CDH18: variants seen among roughly 807,000 people sequenced by gnomAD.
CDH18 encodes the protein cadherin 18, also known as cadherin-18.
CDH18 carries 31 observed loss-of-function variants against 67.9 expected under a neutral mutation model. The ratio of observed to expected loss-of-function variants is 0.46; its 90% CI spans 0.34 to 0.62. The LOEUF is 0.62. Ranked by LOEUF, CDH18 falls within the 20% of genes least tolerant of loss-of-function variation. The probability of loss-of-function intolerance (pLI) is 0.01; values close to 1 mark genes in which losing one functional copy is unlikely to be tolerated. For synonymous variants in CDH18, 362 were observed against 347.2 expected (o/e 1.04, Z -0.48); for missense variants, 890 against 975.5 (o/e 0.91, Z 1.17).
intron 1 of CDH18, among the ~76,000 whole-genome samples, chr5:20,530,400 T>C (rs898556533): frequency 1.3e-5 from 2 of 152,078 alleles, no homozygotes; most frequent in African/African-American, 4.8e-5. Flanking sequence ...AAAATTCATA[T>C]GGAACTGAAA....
At chr5:20,503,011 G>A (rs1372423629) in intron 1 of CDH18, among the ~76,000 whole-genome samples, 1 of 152,020 alleles carries the variant, frequency 6.6e-6, no homozygotes, top group Non-Finnish European at 1.5e-5. Context: ...AGAAAAAAAG[G>A]GGGTTATTCT....
chr5:20,499,131 C>A (rs1284922730), intron 1 of CDH18, among the ~76,000 whole-genome samples: 2 of 152,010 alleles, frequency 1.3e-5, no homozygotes, highest in Admixed American at 1.3e-4. Flanking sequence ...CACATACACA[C>A]ACACACACAG....
At chr5:19,724,512 TACACAC>T (rs34923644) in intron 4 of CDH18, among the ~76,000 whole-genome samples, 244 of 148,882 alleles carry the variant, frequency 1.6e-3, no homozygotes, top group Middle Eastern at 0.014. Context: ...CACACAGACA[TACACAC>T]ACACACACAC....
At chr5:20,172,190 G>GCA (rs1554098640) in intron 2 of CDH18, among the ~76,000 whole-genome samples, 1 of 23,318 alleles carries the variant, frequency 4.3e-5, no homozygotes, top group Non-Finnish European at 7.5e-5. Context: ...AGCATTGTGT[G>GCA]TATATATATA....
chr5:19,503,141 T>C (rs751631131), intron 10 of CDH18, 32 bp from the exon 11 acceptor site: 2 of 1,073,528 alleles, frequency 1.9e-6, no homozygotes, highest in South Asian at 2.6e-5. Flanking sequence ...AATCGTAAAT[T>C]TAATTTTGCT....
intron 2 of CDH18, among the ~76,000 whole-genome samples, chr5:20,016,459 A>T (rs186826677): frequency 3.8e-4 from 58 of 152,220 alleles, no homozygotes; most frequent in Non-Finnish European, 5.9e-5. Flanking sequence ...CTGAACCAAA[A>T]ATAAAAGTTT....
At chr5:19,935,031 C>A (rs1307146606) in intron 2 of CDH18, among the ~76,000 whole-genome samples, 1 of 151,188 alleles carries the variant, frequency 6.6e-6, no homozygotes, top group Non-Finnish European at 1.5e-5. Flanking sequence ...TCTTCAAATA[C>A]CACTTTTAGT....
At chr5:19,748,004 TCGGG>T (rs1561214966) in intron 3 of CDH18, among the ~76,000 whole-genome samples, 2 of 146,872 alleles carry the variant, frequency 1.4e-5, no homozygotes, top group African/African-American at 5.0e-5. Context: ...TCCCAGCTAC[TCGGG>T]GGGCTGAGGC....
chr5:20,522,419 C>T (rs1027009916), intron 1 of CDH18, among the ~76,000 whole-genome samples: 3 of 152,080 alleles, frequency 2.0e-5, no homozygotes, highest in African/African-American at 7.2e-5. Flanking sequence ...TGAATCTTAT[C>T]CTTTAATAAA....
chr5:20,149,620 C>G (rs984458947), intron 2 of CDH18, among the ~76,000 whole-genome samples: 1 of 152,142 alleles, frequency 6.6e-6, no homozygotes, highest in Admixed American at 6.6e-5. Flanking sequence ...CACAAAATCC[C>G]CTCAGATAGC....
chr5:20,459,517 G>C (rs922145368), intron 1 of CDH18, among the ~76,000 whole-genome samples: 2 of 152,102 alleles, frequency 1.3e-5, no homozygotes, highest in African/African-American at 4.8e-5. Flanking sequence ...GAGCGGAAGG[G>C]TTATCCATTT....
chr5:19,943,001 T>G (rs750743981), intron 2 of CDH18, among the ~76,000 whole-genome samples: 3 of 152,130 alleles, frequency 2.0e-5, no homozygotes, highest in Admixed American at 6.6e-5. Context: ...TCGTGCCTCA[T>G]GACAGCATGA....
chr5:20,020,950 TGA>T (rs986267646), intron 2 of CDH18, among the ~76,000 whole-genome samples: 4 of 151,728 alleles, frequency 2.6e-5, no homozygotes, highest in Non-Finnish European at 4.4e-5. Flanking sequence ...GGCCAGCCCT[TGA>T]GAGTAGCCAA....
At chr5:19,631,548 G>T (rs1752415054) in intron 5 of CDH18, among the ~76,000 whole-genome samples, 1 of 151,732 alleles carries the variant, frequency 6.6e-6, no homozygotes, top group Admixed American at 6.6e-5. Flanking sequence ...TTACAGGCTT[G>T]GTCAAGAAGC....
At position 19,612,493 on chromosome 5, in the gene CDH18, G is replaced by T. The variant is rs201455871; in HGVS notation, c.752C>A (p.Ser251Tyr). 1.8e-5 allele frequency: 29 copies of T among 1,613,972 alleles called. No individual in the cohort carries two copies. The highest frequency in any genetic ancestry group is 2.4e-5 in the Non-Finnish European group (28 of 1,180,018). Residue 251 changes from serine to tyrosine, a missense_variant, in exon 6 of 13, where the codon TCT becomes TAT. Coordinates refer to ENST00000382275, the MANE Select transcript of CDH18 (RefSeq NM_004934.5). Reference sequence around the variant, plus strand: ...GGTTAAGGTGATGTTGACTGTTGTAGATCCTGAAAGCCCTCCAACTTGCCC... The same window carrying T: ...GGTTAAGGTGATGTTGACTGTTGTATATCCTGAAAGCCCTCCAACTTGCCC... The part of the protein sequence containing the change: ...MAGQVGGLSG[S>Y]TTVNITLTDV...
chr5:20,248,858 T>C (rs1743589197), intron 2 of CDH18, among the ~76,000 whole-genome samples: 1 of 152,234 alleles, frequency 6.6e-6, no homozygotes, highest in African/African-American at 2.4e-5. Context: ...TATATCACAG[T>C]GTAATTTTGA....
At chr5:19,982,921 A>G (rs1223346601) in intron 1 of CDH18, among the ~76,000 whole-genome samples, 2 of 151,150 alleles carry the variant, frequency 1.3e-5, no homozygotes, top group Non-Finnish European at 2.9e-5. Flanking sequence ...GCAGGCACCT[A>G]TAGTCCCAGA....
chr5:20,077,725 A>T (rs1031239083), intron 2 of CDH18, among the ~76,000 whole-genome samples: 16 of 152,186 alleles, frequency 1.1e-4, no homozygotes, highest in Admixed American at 2.6e-4. Context: ...TGCTTAAATT[A>T]AAAAAGTACT....
intron 3 of CDH18, among the ~76,000 whole-genome samples, chr5:19,814,133 AAAAT>A (rs774146154): frequency 2.6e-5 from 4 of 152,054 alleles, no homozygotes; most frequent in African/African-American, 4.8e-5. Context: ...AAAATAATTT[AAAAT>A]AAATAAAGTC....
Sources: gnomAD v4.1 joint callset for allele counts (sites outside exome capture counted in the v4.1 genomes callset) on GRCh38, gnomAD v4.1.1 for gene constraint, MANE v1.5 for transcripts, NCBI Gene and HGNC (gene_info 2026-07-23, HGNC 2026-07-21) for gene names.